The following TBCD variants were observed in gnomAD, a reference collection of about 807,000 sequenced individuals.
TBCD encodes the protein tubulin folding cofactor D.
Under a neutral mutation model 169.3 loss-of-function variants are expected in TBCD, and 105 were observed. That is an observed-to-expected ratio of 0.62 (90% CI 0.53 to 0.73). The LOEUF is 0.73. Ranked by LOEUF, TBCD falls within the 30% of genes least tolerant of loss-of-function variation. The pLI, the probability that TBCD is intolerant of heterozygous loss-of-function variation, is 0.00. For synonymous variants in TBCD, 700 were observed against 643.9 expected (o/e 1.09, Z -1.32); for missense variants, 1,444 against 1,600.1 (o/e 0.90, Z 1.66).
intron 17 of TBCD, among the ~76,000 whole-genome samples, chr17:82,900,298 C>T (rs2059800247): frequency 6.6e-6 from 1 of 152,170 alleles, no homozygotes; most frequent in Non-Finnish European, 1.5e-5. Flanking sequence ...TGTGTGCACT[C>T]ATTTTGTCAG....
intron 14 of TBCD, among the ~76,000 whole-genome samples, chr17:82,882,869 A>G (rs1371021215): frequency 6.6e-6 from 1 of 152,134 alleles, no homozygotes; most frequent in Non-Finnish European, 1.5e-5. Context: ...CCGGCGCCTC[A>G]CACACACGCC....
At chr17:82,901,841 C>G (rs2059917599) in intron 18 of TBCD, among the ~76,000 whole-genome samples, 1 of 152,262 alleles carries the variant, frequency 6.6e-6, no homozygotes, top group South Asian at 2.1e-4. Context: ...GCAAATGTTA[C>G]ACCAAAACTC....
chr17:82,914,339 C>T lies in TBCD; in HGVS notation c.2038+2550C>T, dbSNP rs183962044. Among the ~76,000 whole-genome samples the T allele has an allele frequency of 3.9e-5, 6 of 152,288 alleles. No homozygotes were observed. In the East Asian group the frequency reaches 1.2e-3, roughly 29 times the overall value. On this transcript the variant is annotated intron_variant, in intron 23 of 38. Coordinates refer to ENST00000355528, the MANE Select transcript of TBCD (RefSeq NM_005993.5). Reference sequence around the variant, plus strand: ...CTACCCCCAACTCCAGCTTTCCCACCCTGCCCTCTGCTCTGGGGCACGTGT... The same window carrying T: ...CTACCCCCAACTCCAGCTTTCCCACTCTGCCCTCTGCTCTGGGGCACGTGT...
At position 82,830,190 on chromosome 17, in the gene TBCD, C is replaced by T. The variant is rs755807043; in HGVS notation, c.1318+15256C>T. 1.4e-5 allele frequency: 22 copies of T among 1,614,132 alleles called. No individual in the cohort carries two copies. The African/African-American group carries it at 2.7e-4, about 20-fold the overall frequency. ...GTAGTGTGAACACTCTGGCCGTGTCCTGCAGCTTCGCCTTCTTAGCTCCTT... is the reference window on the plus strand; with the variant it reads ...GTAGTGTGAACACTCTGGCCGTGTCTTGCAGCTTCGCCTTCTTAGCTCCTT... On this transcript the variant is annotated intron_variant, in intron 13 of 38. Transcript: ENST00000355528.
chr17:82,904,949 C>T (rs927327668), intron 19 of TBCD, among the ~76,000 whole-genome samples: 3 of 152,176 alleles, frequency 2.0e-5, no homozygotes, highest in African/African-American at 4.8e-5. Flanking sequence ...CTCTGATTCT[C>T]GAAAATCCGA....
chr17:82,836,749 C>T (rs747366272), intron 13 of TBCD, among the ~76,000 whole-genome samples: 32 of 151,960 alleles, frequency 2.1e-4, no homozygotes, highest in Non-Finnish European at 3.5e-4. Context: ...CCACAAAACC[C>T]GTGTTGGTTA....
In TBCD at chr17:82,923,673, G is replaced by T; in HGVS notation, c.2200G>T (p.Ala734Ser). The T allele has an allele frequency of 1.3e-6, 2 of 1,589,286 alleles. No individual in the cohort carries two copies. The highest frequency in any genetic ancestry group is 1.7e-6 in the Non-Finnish European group (2 of 1,167,530). The part of the protein sequence containing the change: ...QMKDAAVSAL[A>S]ALCSEYYMKE... ...TTAGGATGCAGCAGTCTCGGCCCTGGCTGCTCTATGCAGTGAATATTACAT... is the reference window on the plus strand; with the variant it reads ...TTAGGATGCAGCAGTCTCGGCCCTGTCTGCTCTATGCAGTGAATATTACAT... The change falls in exon 26 of 39, where the codon GCT becomes TCT. Residue 734 changes from alanine (A) to serine (S), a missense_variant. By Grantham distance (99) the Ala-to-Ser change is moderately conservative. Coordinates refer to ENST00000355528, the MANE Select transcript of TBCD (RefSeq NM_005993.5). The surrounding 1 kb of genome is among the most constrained non-coding windows in gnomAD (Gnocchi z 4.6).
At chr17:82,885,318 A>G (rs1430122244) in intron 15 of TBCD, among the ~76,000 whole-genome samples, 1 of 152,136 alleles carries the variant, frequency 6.6e-6, no homozygotes, top group Non-Finnish European at 1.5e-5. Flanking sequence ...TCTCTCTCAA[A>G]TGCAGGAGCT....
At chr17:82,850,081 TGCTGC>T (rs1390675439) in intron 13 of TBCD, among the ~76,000 whole-genome samples, 40 of 76,046 alleles carry the variant, frequency 5.3e-4, no homozygotes, top group African/African-American at 8.6e-4. Context: ...GGCTGTGCTG[TGCTGC>T]TGTTGGCTGT....
rs994047569 is a variant in TBCD at position 82,889,409 on chromosome 17, G to A, written c.1534-259G>A. ...CCGGGGCCTCCGCGTGGGTGCTGCT[G>A]GGAGGCTCAGTGGTAAAGGCCACTT... is the stretch of plus-strand genomic sequence containing the variant. On this transcript the variant is annotated intron_variant, in intron 15 of 38. Transcript: ENST00000355528. The surrounding 1 kb of genome is among the most constrained non-coding windows in gnomAD (Gnocchi z 5.3). Among the ~76,000 whole-genome samples the A allele has an allele frequency of 1.3e-5, 2 of 152,180 alleles. No individual in the cohort carries two copies. Among genetic ancestry groups the A allele is most frequent in the Non-Finnish European group, 2.9e-5 (2 of 68,028 alleles).
intron 15 of TBCD, among the ~76,000 whole-genome samples, chr17:82,885,737 AT>A (rs1256107033): frequency 2.0e-5 from 3 of 151,810 alleles, no homozygotes; most frequent in African/African-American, 7.2e-5. Context: ...TGAACCCTGA[AT>A]ATGAAGTGAA....
intron 9 of TBCD, among the ~76,000 whole-genome samples, chr17:82,802,989 C>T (rs767796625): frequency 4.6e-5 from 7 of 152,206 alleles, no homozygotes; most frequent in Non-Finnish European, 7.3e-5. Flanking sequence ...TTTTAGTCCC[C>T]GTCTTGTGTT....
chr17:82,910,689 C>T (rs1165931207), intron 22 of TBCD, among the ~76,000 whole-genome samples: 1 of 152,126 alleles, frequency 6.6e-6, no homozygotes, highest in African/African-American at 2.4e-5. Context: ...TCTCAGCCTC[C>T]CGGGTAGCTG....
chr17:82,887,495 G>T (rs2058838836), intron 15 of TBCD, among the ~76,000 whole-genome samples: 1 of 152,164 alleles, frequency 6.6e-6, no homozygotes, highest in African/African-American at 2.4e-5. Flanking sequence ...TGCTGCTTCT[G>T]TTGCTGAGTG....
At chr17:82,929,015 T>C (rs1374324002) in intron 30 of TBCD, 98 bp from the exon 31 acceptor site, 2 of 1,473,608 alleles carry the variant, frequency 1.4e-6, no homozygotes, top group Non-Finnish European at 1.8e-6. Context: ...CTCGTGGTGC[T>C]TGGGCTGGAG....
At chr17:82,925,929 TC>T (rs2061712300) in intron 27 of TBCD, among the ~76,000 whole-genome samples, 1 of 142,580 alleles carries the variant, frequency 7.0e-6, no homozygotes, top group African/African-American at 2.5e-5. Flanking sequence ...GGAGGTGACC[TC>T]TCCCCGGGTG....
At position 82,929,511 on chromosome 17, in the gene TBCD, G is replaced by C; in HGVS notation, c.2991+11G>C. On this transcript the variant is annotated intron_variant, in intron 32 of 38. Coordinates refer to ENST00000355528, the MANE Select transcript of TBCD (RefSeq NM_005993.5). ...TTGACGGAGTCGACGGTGAGGAGGC[G>C]TCGGGCTGGCTGGGGCAGGAGGTGG... is the stretch of plus-strand genomic sequence containing the variant. The C allele has an allele frequency of 6.2e-7, 1 of 1,602,958 alleles. No homozygotes were observed. The highest frequency in any genetic ancestry group is 1.1e-5 in the South Asian group (1 of 91,042).
chr17:82,907,718 T>A (rs764619949), intron 20 of TBCD, 43 bp from the exon 21 acceptor site: 20 of 1,610,348 alleles, frequency 1.2e-5, no homozygotes, highest in Non-Finnish European at 1.6e-5. Flanking sequence ...GGGGTTAGGG[T>A]CTTGGGGAGT....
Position 82,927,955 on chromosome 17 carries a change from C to CA in TBCD, c.2660_2661insA (p.Arg888SerfsTer5). The CA allele has an allele frequency of 6.2e-7, 1 of 1,613,016 alleles. No homozygotes were observed. The highest frequency in any genetic ancestry group is 1.1e-5 in the South Asian group (1 of 91,088). The stretch of plus-strand genomic sequence containing the variant: ...CTGATGGATCTGACACTTCTGCTGG[C>CA]TCGGAGCCAGCCTGAGCTGATCGAG... On this transcript the variant is annotated frameshift_variant, in exon 30 of 39. Coordinates refer to ENST00000355528, the MANE Select transcript of TBCD (RefSeq NM_005993.5). LOFTEE classifies it high-confidence loss of function.
Sources: gnomAD v4.1 joint callset for allele counts (sites outside exome capture counted in the v4.1 genomes callset) on GRCh38, gnomAD v4.1.1 for gene constraint, Gnocchi (gnomAD v3.1) non-coding constraint, MANE v1.5 for transcripts, NCBI Gene and HGNC (gene_info 2026-07-23, HGNC 2026-07-21) for gene names.